The following FABP7 variants were observed in gnomAD, a reference collection of about 807,000 sequenced individuals.
The protein encoded by FABP7 is fatty acid binding protein 7.
In FABP7, 13 loss-of-function variants were observed where a neutral mutation model predicts 14.2. The ratio of observed to expected loss-of-function variants is 0.91; its 90% CI spans 0.59 to 1.45. FABP7 has a LOEUF of 1.45. FABP7 is among the 40% of genes most tolerant of loss of function. The pLI, the probability that FABP7 is intolerant of heterozygous loss-of-function variation, is 0.00. For missense variants in FABP7, 149 were observed against 157.6 expected (o/e 0.95, Z 0.29); for synonymous variants, 49 against 51.4 (o/e 0.95, Z 0.20).
At chr6:122,749,671 T>A in the FABP7 span, among the ~76,000 whole-genome samples, 1 of 152,186 alleles carries the variant, frequency 6.6e-6, no homozygotes, top group African/African-American at 2.4e-5. Context: ...CACAAATGTT[T>A]GTGGGCAGTT....
At chr6:122,769,934 CTG>C in the FABP7 span, among the ~76,000 whole-genome samples, 3 of 152,156 alleles carry the variant, frequency 2.0e-5, no homozygotes, top group South Asian at 6.2e-4. Context: ...GCTTATAATA[CTG>C]TGTTTCCAAT....
At chr6:122,768,491 CA>C in the FABP7 span, among the ~76,000 whole-genome samples, 1 of 151,874 alleles carries the variant, frequency 6.6e-6, no homozygotes, top group South Asian at 2.1e-4. Context: ...TAAATAAAAG[CA>C]AAAAAGCAAG....
At chr6:122,763,563 T>C in the FABP7 span, among the ~76,000 whole-genome samples, 2 of 152,138 alleles carry the variant, frequency 1.3e-5, no homozygotes, top group Non-Finnish European at 2.9e-5. Context: ...CTAAAGAGCT[T>C]CTGCACGGCA....
chr6:122,782,745 C>T (rs1780823810), intron 3 of FABP7: 3 of 985,290 alleles, frequency 3.0e-6, no homozygotes, highest in Non-Finnish European at 3.6e-6. Flanking sequence ...CTCCCCTTGA[C>T]TACTGCAATC....
At chr6:122,768,714 G>C in the FABP7 span, among the ~76,000 whole-genome samples, 1 of 152,078 alleles carries the variant, frequency 6.6e-6, no homozygotes, top group African/African-American at 2.4e-5. Context: ...ACTAACCAAC[G>C]GGTATGATTA....
At chr6:122,759,731 G>A in the FABP7 span, among the ~76,000 whole-genome samples, 2 of 152,178 alleles carry the variant, frequency 1.3e-5, no homozygotes, top group Non-Finnish European at 2.9e-5. Context: ...GTCTGGCCAA[G>A]CATACATGCT....
At chr6:122,751,382 T>A in the FABP7 span, among the ~76,000 whole-genome samples, 7,786 of 152,292 alleles carry the variant, frequency 0.051, 217 homozygotes, top group East Asian at 0.11. Context: ...ATATTGCAGG[T>A]GATGGTGATG....
At chr6:122,758,205 TC>T in the FABP7 span, among the ~76,000 whole-genome samples, 2 of 150,776 alleles carry the variant, frequency 1.3e-5, no homozygotes, top group Non-Finnish European at 3.0e-5. Flanking sequence ...CCTCCTGGGT[TC>T]AAGCAATTCT....
At chr6:122,773,190 G>A in the FABP7 span, among the ~76,000 whole-genome samples, 7 of 151,990 alleles carry the variant, frequency 4.6e-5, no homozygotes, top group Non-Finnish European at 8.8e-5. Context: ...CAGAATACAT[G>A]CGAATCAAAA....
the FABP7 span, among the ~76,000 whole-genome samples, chr6:122,762,762 G>A: frequency 5.3e-5 from 8 of 152,156 alleles, no homozygotes; most frequent in Non-Finnish European, 8.8e-5. Flanking sequence ...CAAACAGAGA[G>A]CCAAATCATG....
At chr6:122,783,419 A>G in intron 3 of FABP7, 1 of 984,918 alleles carries the variant, frequency 1.0e-6, no homozygotes, top group Non-Finnish European at 1.2e-6. Context: ...AAAACAACGT[A>G]GACACTCCAT....
At chr6:122,750,461 T>C in the FABP7 span, among the ~76,000 whole-genome samples, 1 of 152,238 alleles carries the variant, frequency 6.6e-6, no homozygotes, top group Non-Finnish European at 1.5e-5. Context: ...TACTGATTTA[T>C]ACATTAATCA....
chr6:122,754,129 T>G, the FABP7 span, among the ~76,000 whole-genome samples: 1 of 152,130 alleles, frequency 6.6e-6, no homozygotes, highest in Non-Finnish European at 1.5e-5. Flanking sequence ...GGTACCATTA[T>G]CAGCTCACAA....
chr6:122,771,915 A>G, the FABP7 span, among the ~76,000 whole-genome samples: 1 of 152,234 alleles, frequency 6.6e-6, no homozygotes, highest in Non-Finnish European at 1.5e-5. Context: ...TGTGGAGCAC[A>G]TATCAAGTGG....
intron 3 of FABP7, chr6:122,783,030 A>G (rs1322162035): frequency 1.0e-6 from 1 of 985,478 alleles, no homozygotes; most frequent in East Asian, 1.1e-4. Context: ...CTAAAGCAAT[A>G]GACTACAAGG....
At chr6:122,779,904 G>A (rs2115142878) in intron 1 of FABP7, 37 bp downstream of exon 1, 1 of 1,589,816 alleles carries the variant, frequency 6.3e-7, no homozygotes, top group East Asian at 2.2e-5. Context: ...TCTTCTCAAC[G>A]TGCAGCTTTA....
Position 122,781,151 on chromosome 6 carries a change from A to C in FABP7, c.305A>C (p.Glu102Ala). The change falls in exon 3 of 4, where the codon GAA (glutamate) becomes GCA (alanine). Residue 102 changes from glutamate (E) to alanine (A), a missense_variant. Transcript: ENST00000368444. ...LVHIQKWDGK[E>A]TNFVREIKDG... ...CACATACAGAAATGGGATGGCAAAGAAACAAATTTTGTAAGAGAAATTAAG... is the reference window on the plus strand; with the variant it reads ...CACATACAGAAATGGGATGGCAAAGCAACAAATTTTGTAAGAGAAATTAAG... 6.2e-7 allele frequency: 1 copy of C among 1,614,068 alleles called. No individual in the cohort carries two copies. Among genetic ancestry groups the C allele is most frequent in the Non-Finnish European group, 8.5e-7 (1 of 1,179,948 alleles).
the FABP7 span, among the ~76,000 whole-genome samples, chr6:122,770,774 TGTC>T: frequency 6.6e-6 from 1 of 152,170 alleles, no homozygotes. Flanking sequence ...ATACGATCTC[TGTC>T]TTTACTTTAT....
At chr6:122,750,825 G>A in the FABP7 span, among the ~76,000 whole-genome samples, 3 of 152,220 alleles carry the variant, frequency 2.0e-5, no homozygotes, top group Non-Finnish European at 4.4e-5. Context: ...GGAGTTAGCT[G>A]ATGAGTGGAA....
Sources: gnomAD v4.1 joint callset for allele counts (sites outside exome capture counted in the v4.1 genomes callset) on GRCh38, gnomAD v4.1.1 for gene constraint, MANE v1.5 for transcripts, NCBI Gene and HGNC (gene_info 2026-07-23, HGNC 2026-07-21) for gene names.